The following C17orf67 variants were observed in gnomAD, a reference collection of about 807,000 sequenced individuals.
The protein encoded by C17orf67 is chromosome 17 open reading frame 67.
Under a neutral mutation model 11.2 loss-of-function variants are expected in C17orf67, and 12 were observed. The observed-to-expected ratio is 1.07, with a 90% CI of 0.68 to 1.73. C17orf67 has a LOEUF of 1.73. Among genes scored for constraint, C17orf67 ranks in the 40% most tolerant of loss-of-function variants. The probability of loss-of-function intolerance (pLI) is 0.00; values close to 1 mark genes in which losing one functional copy is unlikely to be tolerated. For missense variants in C17orf67, 115 were observed against 113.5 expected (o/e 1.01, Z -0.06); for synonymous variants, 59 against 46.9 (o/e 1.26, Z -1.05).
chr17:56,832,673 A>AT (rs1307554713), intron 2 of C17orf67, among the ~76,000 whole-genome samples: 1 of 152,134 alleles, frequency 6.6e-6, no homozygotes, highest in Non-Finnish European at 1.5e-5. Flanking sequence ...GTTCCTGCTC[A>AT]TCCCCTTCAC....
intron 2 of C17orf67, among the ~76,000 whole-genome samples, chr17:56,830,489 A>T (rs773851919): frequency 6.6e-6 from 1 of 152,286 alleles, no homozygotes; most frequent in African/African-American, 2.4e-5. Flanking sequence ...AATAAATTAC[A>T]TGGAGATGGT....
At chr17:56,820,826 C>G (rs1160003353) in intron 4 of C17orf67, among the ~76,000 whole-genome samples, 1 of 120,962 alleles carries the variant, frequency 8.3e-6, no homozygotes, top group Non-Finnish European at 1.6e-5. Flanking sequence ...ATTTAAGTGT[C>G]ATTGACAAAT....
At chr17:56,807,512 C>T (rs1226427789) in intron 6 of C17orf67, among the ~76,000 whole-genome samples, 3 of 152,130 alleles carry the variant, frequency 2.0e-5, no homozygotes, top group African/African-American at 7.2e-5. Context: ...CCAGGTAAGG[C>T]CCGTGCAGCC....
At chr17:56,798,917 A>G (rs1333790609) in intron 6 of C17orf67, among the ~76,000 whole-genome samples, 2 of 152,226 alleles carry the variant, frequency 1.3e-5, no homozygotes, top group African/African-American at 4.8e-5. Context: ...GTTTCCACTC[A>G]TGGCAGAAGG....
At chr17:56,808,108 T>C (rs1001236494) in intron 6 of C17orf67, among the ~76,000 whole-genome samples, 3 of 152,064 alleles carry the variant, frequency 2.0e-5, no homozygotes, top group Non-Finnish European at 2.9e-5. Flanking sequence ...AATATTCTCA[T>C]AACCAATTTC....
intron 6 of C17orf67, among the ~76,000 whole-genome samples, chr17:56,813,209 C>T (rs752723523): frequency 6.5e-4 from 99 of 152,040 alleles, no homozygotes; most frequent in Non-Finnish European, 1.2e-3. Flanking sequence ...AGCCAGAGCC[C>T]CCACCCCCAA....
At chr17:56,813,009 C>A (rs984794281) in intron 6 of C17orf67, among the ~76,000 whole-genome samples, 2 of 152,184 alleles carry the variant, frequency 1.3e-5, no homozygotes, top group African/African-American at 4.8e-5. Flanking sequence ...TCAAAAGAGC[C>A]AGGTGCAGAT....
At chr17:56,813,193 G>A (rs1227663859) in intron 6 of C17orf67, among the ~76,000 whole-genome samples, 1 of 152,056 alleles carries the variant, frequency 6.6e-6, no homozygotes, top group Non-Finnish European at 1.5e-5. Context: ...AAAAGCACAG[G>A]GGGCCAGCCA....
rs748703650 is a variant in C17orf67 at position 56,814,965 on chromosome 17, G to A, written c.60C>T (p.Thr20=). Residue 20 remains threonine (T), a synonymous_variant, in exon 6 of 8, where the codon ACC becomes ACT. Coordinates refer to ENST00000397861, the MANE Select transcript of C17orf67 (RefSeq NM_001085430.4). ...CCTGCTTCTCTGTCAAAATCGGGGAGGTCTCTGGAAAAGTCGGGAAGGTGC... is the reference window on the plus strand; with the variant it reads ...CCTGCTTCTCTGTCAAAATCGGGGAAGTCTCTGGAAAAGTCGGGAAGGTGC... ...SLTLLTVFSE[T]SPILTEKQAK... 9 of 1,613,982 alleles carry A rather than the reference G, an allele frequency of 5.6e-6. No individual in the cohort carries two copies. The South Asian group carries it at 8.8e-5, about 16-fold the overall frequency.
At chr17:56,826,635 C>G (rs1468048346) in intron 2 of C17orf67, among the ~76,000 whole-genome samples, 1 of 152,226 alleles carries the variant, frequency 6.6e-6, no homozygotes, top group Non-Finnish European at 1.5e-5. Context: ...GTTATCAGGC[C>G]TCTTCCCTGA....
At chr17:56,808,079 T>G (rs1238241762) in intron 6 of C17orf67, among the ~76,000 whole-genome samples, 2 of 152,104 alleles carry the variant, frequency 1.3e-5, no homozygotes, top group Non-Finnish European at 2.9e-5. Context: ...TCTGAAAATG[T>G]GGGGTCAAGT....
At chr17:56,822,389 T>C (rs1402058209) in intron 4 of C17orf67, among the ~76,000 whole-genome samples, 1 of 152,208 alleles carries the variant, frequency 6.6e-6, no homozygotes, top group Non-Finnish European at 1.5e-5. Flanking sequence ...GACCTGGCCT[T>C]GAATGCTGAT....
intron 6 of C17orf67, 86 bp from the exon 7 acceptor site, chr17:56,795,266 G>T: frequency 8.4e-7 from 1 of 1,185,202 alleles, no homozygotes; most frequent in Non-Finnish European, 1.2e-6. Flanking sequence ...TGGCTCCCTA[G>T]ACAGGGCAGG....
At chr17:56,804,400 A>T (rs935743244) in intron 6 of C17orf67, 2 of 152,200 alleles carry the variant, frequency 1.3e-5, no homozygotes, top group Admixed American at 1.3e-4. Context: ...TCATTAGTAC[A>T]AGCAAGGTAA....
intron 6 of C17orf67, among the ~76,000 whole-genome samples, chr17:56,814,327 C>T (rs769428623): frequency 1.3e-5 from 2 of 152,178 alleles, no homozygotes; most frequent in South Asian, 2.1e-4. Context: ...GGTCTAGTAA[C>T]ATCTACTCAC....
At chr17:56,831,792 G>A (rs979923765) in intron 2 of C17orf67, among the ~76,000 whole-genome samples, 2 of 152,130 alleles carry the variant, frequency 1.3e-5, no homozygotes, top group African/African-American at 4.8e-5. Context: ...ACGTACGACT[G>A]ATGAAGATCC....
intron 6 of C17orf67, among the ~76,000 whole-genome samples, chr17:56,799,985 A>T (rs1267473807): frequency 1.3e-4 from 1 of 7,572 alleles, no homozygotes. Flanking sequence ...TAAAGTCATG[A>T]AAAAAAAAAA....
At chr17:56,800,833 T>G (rs1905302187) in intron 6 of C17orf67, among the ~76,000 whole-genome samples, 1 of 152,214 alleles carries the variant, frequency 6.6e-6, no homozygotes, top group South Asian at 2.1e-4. Flanking sequence ...TTCATTGGCC[T>G]GCCTCATACT....
intron 6 of C17orf67, among the ~76,000 whole-genome samples, chr17:56,808,912 C>T (rs919814828): frequency 6.6e-6 from 1 of 152,090 alleles, no homozygotes; most frequent in Non-Finnish European, 1.5e-5. Context: ...CATTTGTTTA[C>T]CCTCATCAAT....
Sources: allele counts gnomAD v4.1 joint callset (sites outside exome capture counted in the v4.1 genomes callset), GRCh38; gene constraint gnomAD v4.1.1; transcripts MANE v1.5; gene names NCBI Gene and HGNC (gene_info 2026-07-23, HGNC 2026-07-21).